The following RNF38 variants were observed in gnomAD, a reference collection of about 807,000 sequenced individuals.
RNF38 encodes ring finger protein 38, also known as E3 ubiquitin-protein ligase RNF38.
A neutral mutation model predicts 67.2 loss-of-function variants in RNF38; 15 were observed. That is an observed-to-expected ratio of 0.22 (90% CI 0.15 to 0.34). The LOEUF (loss-of-function observed/expected upper bound fraction) is 0.34. RNF38 is among the 10% of genes least tolerant of loss of function. The pLI is 1.00. For missense variants in RNF38, 524 were observed against 639.9 expected, an observed-to-expected ratio of 0.82 and a Z score of 1.95; for synonymous variants, 220 against 218.8, an observed-to-expected ratio of 1.01 and a Z score of -0.05.
chr9:36,393,505 G>T (rs1262026435), intron 1 of RNF38, among the ~76,000 whole-genome samples: 6 of 149,358 alleles, frequency 4.0e-5, no homozygotes, highest in Admixed American at 4.0e-4. Flanking sequence ...GTGTGTGTGT[G>T]TGTGTGTGTG....
intron 2 of RNF38, among the ~76,000 whole-genome samples, chr9:36,384,522 G>T (rs898962494): frequency 1.3e-5 from 2 of 152,198 alleles, no homozygotes; most frequent in Admixed American, 1.3e-4. Context: ...AGGGTGGAGT[G>T]TGATGGAAGC....
At chr9:36,382,331 A>T (rs1056790062) in intron 2 of RNF38, among the ~76,000 whole-genome samples, 1 of 152,202 alleles carries the variant, frequency 6.6e-6, no homozygotes, top group Non-Finnish European at 1.5e-5. Context: ...GGAAGGAAGG[A>T]AAGGCAGGTT....
chr9:36,390,787 T>A (rs916398944), intron 1 of RNF38, among the ~76,000 whole-genome samples, 171 bp from the exon 2 acceptor site: 1 of 152,218 alleles, frequency 6.6e-6, no homozygotes, highest in Non-Finnish European at 1.5e-5. Flanking sequence ...TGGCAAAGGT[T>A]GCCTCTGGCA....
intron 4 of RNF38, among the ~76,000 whole-genome samples, chr9:36,369,159 TCTG>T (rs1443990390): frequency 6.6e-6 from 1 of 152,224 alleles, no homozygotes; most frequent in Non-Finnish European, 1.5e-5. Flanking sequence ...CCATCAGTTG[TCTG>T]CTATTTCCTA....
intron 4 of RNF38, among the ~76,000 whole-genome samples, chr9:36,365,567 C>CT (rs1445760776): frequency 1.3e-5 from 2 of 151,744 alleles, no homozygotes; most frequent in African/African-American, 4.8e-5. Context: ...GAGCGAAACT[C>CT]TGTCTCAAAA....
chr9:36,350,108 C>T (rs116530524), intron 9 of RNF38, among the ~76,000 whole-genome samples: 2,014 of 152,288 alleles, frequency 0.013, 55 homozygotes, highest in African/African-American at 0.044. Flanking sequence ...TGAGCCACTG[C>T]GCTCAGCCTC....
intron 1 of RNF38, among the ~76,000 whole-genome samples, chr9:36,465,587 C>T (rs1424218244): frequency 2.0e-5 from 3 of 152,174 alleles, no homozygotes; most frequent in South Asian, 2.1e-4. Flanking sequence ...TCAGGTGATC[C>T]GCCTGCCTTG....
chr9:36,470,482 G>C (rs972357544), intron 1 of RNF38, among the ~76,000 whole-genome samples: 1 of 152,166 alleles, frequency 6.6e-6, no homozygotes, highest in Non-Finnish European at 1.5e-5. Context: ...GCATGCCCTA[G>C]TTAGACAAGA....
chr9:36,340,800 A>T (rs760041222), intron 11 of RNF38, among the ~76,000 whole-genome samples: 13 of 152,140 alleles, frequency 8.5e-5, no homozygotes, highest in Non-Finnish European at 1.8e-4. Context: ...TGGCTCCTAA[A>T]TTTGCTTTCT....
At chr9:36,437,337 T>C (rs912458658) in intron 1 of RNF38, among the ~76,000 whole-genome samples, 2 of 147,012 alleles carry the variant, frequency 1.4e-5, no homozygotes, top group African/African-American at 4.9e-5. Context: ...AGCCTAAATA[T>C]AAGTAAATCA....
chr9:36,466,165 T>C (rs572384547), intron 1 of RNF38, among the ~76,000 whole-genome samples: 5 of 152,266 alleles, frequency 3.3e-5, no homozygotes, highest in Admixed American at 6.5e-5. Context: ...AAAGTGCAAA[T>C]TGTATGATTC....
At chr9:36,350,081 A>T (rs1833584830) in intron 9 of RNF38, among the ~76,000 whole-genome samples, 1 of 151,994 alleles carries the variant, frequency 6.6e-6, no homozygotes, top group South Asian at 2.1e-4. Flanking sequence ...GCCTCCCAAA[A>T]TGCTGGGATT....
chr9:36,480,216 T>A (rs1056750470), intron 1 of RNF38, among the ~76,000 whole-genome samples: 5 of 152,058 alleles, frequency 3.3e-5, no homozygotes, highest in African/African-American at 1.2e-4. Context: ...TGAGCTCAAG[T>A]GATCCACCTA....
At chr9:36,431,956 A>G (rs765964562) in intron 1 of RNF38, among the ~76,000 whole-genome samples, 1 of 152,238 alleles carries the variant, frequency 6.6e-6, no homozygotes, top group African/African-American at 2.4e-5. Context: ...CTCTCACCCC[A>G]ATCACTCAGG....
rs994926057 is a variant in RNF38, at chr9:36,338,735, T to G, written c.*1017A>C. The G allele has an allele frequency of 1.3e-5, 2 of 151,678 alleles. No homozygotes were observed. The highest frequency in any genetic ancestry group is 4.8e-5 in the African/African-American group (2 of 41,358). The allele number at this position is 151,678 out of a possible 1,614,324, so 9.4% of individuals were successfully genotyped here. A position where few individuals can be genotyped will look rare whatever the true frequency, so the allele number is the denominator to read the frequency against. On this transcript the variant is annotated 3_prime_UTR_variant, in exon 12 of 12. Transcript: ENST00000259605. ...ATATATTAATCAAATATCTTCAGAA[T>G]AGACTAGACTACAAATCTAAACATT...
intron 2 of RNF38, among the ~76,000 whole-genome samples, chr9:36,413,210 A>G (rs148030642): frequency 4.3e-4 from 65 of 151,966 alleles, no homozygotes; most frequent in Non-Finnish European, 6.9e-4. Context: ...AGCCTGGGCA[A>G]CAGAGCAAGA....
intron 2 of RNF38, among the ~76,000 whole-genome samples, chr9:36,381,127 G>A (rs559172180): frequency 3.3e-5 from 5 of 152,292 alleles, no homozygotes; most frequent in East Asian, 1.9e-4. Context: ...CCTATTTGGG[G>A]TTCAGATTTT....
In RNF38 at chr9:36,360,165, T is replaced by A. The variant is rs537559739; in HGVS notation, c.571-2223A>T. Among the ~76,000 whole-genome samples, 81 of 152,126 alleles carry A rather than the reference T, an allele frequency of 5.3e-4. 1 individual carries two copies. In the South Asian group the frequency reaches 0.016, roughly 29 times the overall value. On this transcript the variant is annotated intron_variant, in intron 4 of 11. Transcript: ENST00000259605. The stretch of plus-strand genomic sequence containing the variant: ...ATAAGACAGGATTGAAAAAAAAAAT[T>A]AGTTTTCTTCAAAAAGATTATTAAA...
intron 1 of RNF38, among the ~76,000 whole-genome samples, chr9:36,398,048 G>A (rs1837672288): frequency 6.6e-6 from 1 of 152,106 alleles, no homozygotes; most frequent in East Asian, 1.9e-4. Context: ...GAAAAAAGAG[G>A]TATGATTGAG....
Sources: allele counts gnomAD v4.1 joint callset (sites outside exome capture counted in the v4.1 genomes callset), GRCh38; gene constraint gnomAD v4.1.1; transcripts MANE v1.5; gene names NCBI Gene and HGNC (gene_info 2026-07-23, HGNC 2026-07-21).